Variants in CSMD3 observed in about 807,000 individuals in gnomAD.
CSMD3 encodes the protein CUB and sushi domain-containing protein 3.
CSMD3 carries 177 observed loss-of-function variants against 435.2 expected under a neutral mutation model. The observed-to-expected ratio is 0.41, with a 90% confidence interval of 0.36 to 0.46. CSMD3 has a LOEUF of 0.46. Among genes scored for constraint, CSMD3 ranks in the 20% least tolerant of loss-of-function variants. CSMD3 has a pLI of 0.34. For missense variants in CSMD3, 4,265 were observed against 4,504.6 expected (o/e 0.95, Z 1.52); for synonymous variants, 1,656 against 1,520.5 (o/e 1.09, Z -2.07).
intron 5 of CSMD3, among the ~76,000 whole-genome samples, chr8:113,026,179 G>T (rs975641955): frequency 7.9e-5 from 12 of 152,176 alleles, no homozygotes; most frequent in Admixed American, 5.9e-4. Context: ...AGATGTGTAT[G>T]TCGGGAACGG....
At chr8:113,397,588 CG>C (rs2094489603) in intron 1 of CSMD3, among the ~76,000 whole-genome samples, 1 of 151,806 alleles carries the variant, frequency 6.6e-6, no homozygotes, top group Non-Finnish European at 1.5e-5. Flanking sequence ...GAGGCCGAGG[CG>C]GGGGAACACG....
At chr8:112,548,722 GA>G (rs1827410431) in intron 27 of CSMD3, among the ~76,000 whole-genome samples, 1 of 151,978 alleles carries the variant, frequency 6.6e-6, no homozygotes, top group Admixed American at 6.6e-5. Flanking sequence ...CTGAACACTT[GA>G]AAAGCTGTGT....
chr8:112,328,998 A>C (rs972332866), intron 45 of CSMD3, among the ~76,000 whole-genome samples: 3 of 152,206 alleles, frequency 2.0e-5, no homozygotes, highest in Admixed American at 2.0e-4. Context: ...GAAAAGAAAT[A>C]ACAGAAACTA....
chr8:112,570,710 A>T (rs1829431662), intron 24 of CSMD3, among the ~76,000 whole-genome samples: 1 of 152,212 alleles, frequency 6.6e-6, no homozygotes, highest in African/African-American at 2.4e-5. Context: ...AATACACTTA[A>T]AAACAGATGC....
At chr8:112,746,176 C>T (rs756854781) in intron 13 of CSMD3, among the ~76,000 whole-genome samples, 11 of 152,156 alleles carry the variant, frequency 7.2e-5, no homozygotes, top group African/African-American at 1.2e-4. Flanking sequence ...AATCTCCTGA[C>T]GCTTTTGGCT....
chr8:113,055,138 T>C (rs2088265231), intron 5 of CSMD3, among the ~76,000 whole-genome samples: 1 of 152,164 alleles, frequency 6.6e-6, no homozygotes, highest in Non-Finnish European at 1.5e-5. Flanking sequence ...TATTCAACAC[T>C]GTATTATCAT....
At chr8:112,624,328 CTTTAT>C (rs1421775176) in intron 22 of CSMD3, among the ~76,000 whole-genome samples, 1 of 152,016 alleles carries the variant, frequency 6.6e-6, no homozygotes, top group Non-Finnish European at 1.5e-5. Flanking sequence ...AATTCTAGAA[CTTTAT>C]TTTTAGTCTA....
At chr8:112,309,894 C>T (rs1821803944) in intron 50 of CSMD3, among the ~76,000 whole-genome samples, 2 of 152,034 alleles carry the variant, frequency 1.3e-5, no homozygotes, top group Non-Finnish European at 2.9e-5. Flanking sequence ...AATTACCTAT[C>T]TTACATTTTG....
intron 5 of CSMD3, among the ~76,000 whole-genome samples, chr8:113,088,558 T>G (rs1048345005): frequency 6.6e-6 from 1 of 151,402 alleles, no homozygotes; most frequent in African/African-American, 2.4e-5. Flanking sequence ...ATGTCCTTTG[T>G]AGGGACATGG....
At chr8:113,367,061 A>G (rs1274329858) in intron 1 of CSMD3, among the ~76,000 whole-genome samples, 1 of 151,888 alleles carries the variant, frequency 6.6e-6, no homozygotes. Flanking sequence ...TAAATGTGTG[A>G]TTGAGTCAAT....
At chr8:112,440,830 GC>G (rs1814925269) in intron 32 of CSMD3, among the ~76,000 whole-genome samples, 1 of 152,146 alleles carries the variant, frequency 6.6e-6, no homozygotes. Flanking sequence ...AGGTCATGAT[GC>G]CCCAAGGCTG....
intron 13 of CSMD3, among the ~76,000 whole-genome samples, chr8:112,771,132 T>A (rs1384118213): frequency 1.3e-5 from 2 of 152,004 alleles, no homozygotes; most frequent in East Asian, 1.9e-4. Context: ...TGTCTGGAAA[T>A]AGAGAAAAAG....
At chr8:112,842,341 G>A (rs1724239414) in intron 11 of CSMD3, among the ~76,000 whole-genome samples, 2 of 151,910 alleles carry the variant, frequency 1.3e-5, no homozygotes, top group South Asian at 2.1e-4. Flanking sequence ...GATGGTTTCC[G>A]GTGACTAATA....
At chr8:113,232,933 A>G (rs2093105002) in intron 3 of CSMD3, among the ~76,000 whole-genome samples, 1 of 151,876 alleles carries the variant, frequency 6.6e-6, no homozygotes, top group Admixed American at 6.6e-5. Context: ...GGAACATTTC[A>G]TTTTTATCCT....
chr8:113,260,407 C>T (rs551720362), intron 3 of CSMD3, among the ~76,000 whole-genome samples: 2 of 152,208 alleles, frequency 1.3e-5, no homozygotes, highest in South Asian at 4.1e-4. Context: ...AGTTCCTCTC[C>T]TGTAAAAAGT....
chr8:112,485,680 T>C (rs181215790), intron 31 of CSMD3, among the ~76,000 whole-genome samples: 44 of 152,292 alleles, frequency 2.9e-4, no homozygotes, highest in Admixed American at 7.2e-4. Context: ...ATATGAATAA[T>C]TGGTAAATTA....
chr8:113,092,579 G>GA (rs1483924328), intron 5 of CSMD3, among the ~76,000 whole-genome samples: 1 of 152,036 alleles, frequency 6.6e-6, no homozygotes, highest in Admixed American at 6.6e-5. Flanking sequence ...AAATGAAATA[G>GA]AAAATGTAGG....
At chr8:112,781,277 T>G (rs2078378275) in intron 13 of CSMD3, among the ~76,000 whole-genome samples, 2 of 151,992 alleles carry the variant, frequency 1.3e-5, no homozygotes, top group Admixed American at 6.6e-5. Context: ...ACATTAGTGG[T>G]AGCCCGGCAG....
At chr8:112,404,739 T>C (rs1173781890) in intron 35 of CSMD3, among the ~76,000 whole-genome samples, 5 of 152,258 alleles carry the variant, frequency 3.3e-5, no homozygotes, top group Admixed American at 6.5e-5. Context: ...CAAAATGTGT[T>C]ATTAAAAAGT....
Sources: gnomAD v4.1 joint callset for allele counts (sites outside exome capture counted in the v4.1 genomes callset) on GRCh38, gnomAD v4.1.1 for gene constraint, MANE v1.5 for transcripts, NCBI Gene and HGNC (gene_info 2026-07-23, HGNC 2026-07-21) for gene names.